The following CALN1 variants were observed in gnomAD, a reference collection of about 807,000 sequenced individuals.
The protein encoded by CALN1 is calneuron 1, also known as calcium-binding protein 8.
A neutral mutation model predicts 30.6 loss-of-function variants in CALN1; 17 were observed. The ratio of observed to expected loss-of-function variants is 0.56; its 90% CI spans 0.38 to 0.83. CALN1 has a LOEUF of 0.83. CALN1 is among the 40% of genes least tolerant of loss of function. The pLI, the probability that CALN1 is intolerant of heterozygous loss-of-function variation, is 0.00. For synonymous variants in CALN1, 156 were observed against 131.4 expected, an observed-to-expected ratio of 1.19 and a Z score of -1.28; for missense variants, 291 against 354.9, an observed-to-expected ratio of 0.82 and a Z score of 1.45.
chr7:72,367,188 G>A lies in CALN1; in HGVS notation c.119+36063C>T, dbSNP rs534905296. Reference sequence around the variant, plus strand: ...ACTTGGGTTGGTGGAAGCAGGTTGGGACTAGAAGCAGATACAATGATAGCA... The same window carrying A: ...ACTTGGGTTGGTGGAAGCAGGTTGGAACTAGAAGCAGATACAATGATAGCA... On this transcript the variant is annotated intron_variant, in intron 2 of 6. Transcript: ENST00000395275. 6.6e-5 allele frequency among the ~76,000 whole-genome samples: 10 copies of A among 152,202 alleles called. No individual in the cohort carries two copies. In the East Asian group the frequency reaches 1.9e-3, roughly 29 times the overall value.
chr7:71,886,384 C>T (rs1459354248), intron 5 of CALN1, among the ~76,000 whole-genome samples: 1 of 152,218 alleles, frequency 6.6e-6, no homozygotes, highest in Non-Finnish European at 1.5e-5. Flanking sequence ...CACTGCCACG[C>T]CCCCTTAGCA....
intron 5 of CALN1, among the ~76,000 whole-genome samples, chr7:72,013,625 GA>G (rs1243832668): frequency 6.6e-6 from 1 of 151,890 alleles, no homozygotes; most frequent in African/African-American, 2.4e-5. Context: ...CAAGTATAAA[GA>G]AAAAATTATT....
chr7:71,864,465 C>T (rs901028310), intron 5 of CALN1, among the ~76,000 whole-genome samples: 1 of 152,124 alleles, frequency 6.6e-6, no homozygotes, highest in African/African-American at 2.4e-5. Flanking sequence ...TAGTACAAAA[C>T]AGGGACTTCC....
chr7:72,016,420 TTTTA>T (rs539354462), intron 5 of CALN1, among the ~76,000 whole-genome samples: 6 of 151,700 alleles, frequency 4.0e-5, no homozygotes, highest in African/African-American at 1.2e-4. Context: ...GGGTCAAGAA[TTTTA>T]TTTATTTTAT....
intron 2 of CALN1, among the ~76,000 whole-genome samples, chr7:72,292,003 A>G (rs904990544): frequency 6.8e-6 from 1 of 146,192 alleles, no homozygotes; most frequent in African/African-American, 2.5e-5. Flanking sequence ...CTCCATCTCA[A>G]AAAAAAAAAA....
At chr7:72,256,243 G>T (rs1795904030) in intron 3 of CALN1, among the ~76,000 whole-genome samples, 2 of 152,248 alleles carry the variant, frequency 1.3e-5, no homozygotes, top group East Asian at 1.9e-4. Context: ...AGGGTCGCTG[G>T]AGGTCAGAAG....
chr7:72,271,589 T>TATATATATATATATAC (rs1796998549), intron 3 of CALN1, among the ~76,000 whole-genome samples: 4 of 105,404 alleles, frequency 3.8e-5, no homozygotes, highest in African/African-American at 2.1e-4. Flanking sequence ...TATATATATA[T>TATATATATATATATAC]ATATAGTTTT....
chr7:72,108,015 A>G (rs1382639573), intron 3 of CALN1, among the ~76,000 whole-genome samples: 1 of 152,192 alleles, frequency 6.6e-6, no homozygotes, highest in Non-Finnish European at 1.5e-5. Flanking sequence ...AAGACAATAG[A>G]AATCTATTCT....
At chr7:72,447,784 CAT>C (rs913438943), upstream of CALN1, among the ~76,000 whole-genome samples, 6 of 151,718 alleles carry the variant, frequency 4.0e-5, no homozygotes, top group African/African-American at 1.5e-4. Flanking sequence ...TGTACACACA[CAT>C]GCCTGCTCGT....
intron 2 of CALN1, among the ~76,000 whole-genome samples, chr7:72,394,456 A>G (rs1805782394): frequency 6.6e-6 from 1 of 152,232 alleles, no homozygotes; most frequent in South Asian, 2.1e-4. Context: ...TGTGAGAACA[A>G]AAACAGAGCA....
intron 3 of CALN1, among the ~76,000 whole-genome samples, chr7:72,269,182 T>C (rs1433446051): frequency 6.6e-6 from 1 of 152,216 alleles, no homozygotes; most frequent in African/African-American, 2.4e-5. Flanking sequence ...GGTTGAAGCC[T>C]ATGTTATCCA....
Position 71,798,097 on chromosome 7 carries a change from GAGAC to G in CALN1, c.659-10199_659-10196del, listed in dbSNP as rs757984198. 5.5e-3 allele frequency among the ~76,000 whole-genome samples: 552 copies of G among 99,776 alleles called. 4 individuals are homozygous for G. The highest frequency in any genetic ancestry group is 7.4e-3 in the Non-Finnish European group (420 of 56,604). 65.5% of individuals were successfully genotyped at this position (99,776 alleles called of 152,430 possible). A position where few individuals can be genotyped will look rare whatever the true frequency, so the allele number is the denominator to read the frequency against. ...AGAGAGACAGAGAGAGACAGAGAGA[GAGAC>G]AGAGAGAGACAGAGACAGAGACAGA... On this transcript the variant is annotated intron_variant, in intron 6 of 6. Coordinates refer to ENST00000395275, the MANE Select transcript of CALN1 (RefSeq NM_031468.4).
At chr7:72,021,745 A>G (rs946637215) in intron 5 of CALN1, among the ~76,000 whole-genome samples, 1 of 152,090 alleles carries the variant, frequency 6.6e-6, no homozygotes, top group African/African-American at 2.4e-5. Flanking sequence ...ATCCTTGCCT[A>G]TAATTTTACC....
At chr7:72,397,752 C>CA (rs2129561807) in intron 2 of CALN1, among the ~76,000 whole-genome samples, 1 of 82,658 alleles carries the variant, frequency 1.2e-5, no homozygotes, top group South Asian at 4.0e-4. Context: ...ACACACACAC[C>CA]TTGCTCCAAC....
rs1190979665 is a variant in CALN1 at position 72,394,105 on chromosome 7, G to A, written c.119+9146C>T. 2.0e-5 allele frequency among the ~76,000 whole-genome samples: 3 copies of A among 152,168 alleles called. No homozygotes were observed. In the South Asian group the frequency reaches 6.2e-4, roughly 31 times the overall value. On this transcript the variant is annotated intron_variant, in intron 2 of 6. Coordinates refer to ENST00000395275, the MANE Select transcript of CALN1 (RefSeq NM_031468.4). ...GCTAAGATCATTGGTAATATGTATG[G>A]TGGAGTGCAGAATTTACACTTTGTG...
At chr7:72,010,919 C>G (rs1445536783) in intron 5 of CALN1, among the ~76,000 whole-genome samples, 1 of 151,760 alleles carries the variant, frequency 6.6e-6, no homozygotes, top group Non-Finnish European at 1.5e-5. Flanking sequence ...CTTTGGGAGG[C>G]TGAGGTGGGC....
intron 4 of CALN1, among the ~76,000 whole-genome samples, chr7:72,100,798 C>T (rs1469247430): frequency 2.0e-5 from 2 of 101,708 alleles, no homozygotes; most frequent in East Asian, 6.9e-4. Context: ...CCAGCCTGGG[C>T]AACAGAGCGA....
At chr7:72,325,979 G>A (rs1801249908) in intron 2 of CALN1, among the ~76,000 whole-genome samples, 1 of 152,178 alleles carries the variant, frequency 6.6e-6, no homozygotes, top group East Asian at 1.9e-4. Context: ...TCAGCTCACT[G>A]CAACCTCCAC....
At chr7:72,255,881 C>A (rs573092375) in intron 3 of CALN1, among the ~76,000 whole-genome samples, 11 of 152,196 alleles carry the variant, frequency 7.2e-5, no homozygotes, top group Non-Finnish European at 1.0e-4. Context: ...CAGATGCGCA[C>A]CAGCACGCTG....
Sources: allele counts gnomAD v4.1 joint callset (sites outside exome capture counted in the v4.1 genomes callset), GRCh38; gene constraint gnomAD v4.1.1; transcripts MANE v1.5; gene names NCBI Gene and HGNC (gene_info 2026-07-23, HGNC 2026-07-21).